CRK: variants seen among roughly 807,000 people sequenced by gnomAD.
CRK encodes the protein CRK proto-oncogene, adaptor protein.
A neutral mutation model predicts 29.8 loss-of-function variants in CRK; 4 were observed. The ratio of observed to expected loss-of-function variants is 0.13; its 90% CI spans 0.07 to 0.31. CRK has a LOEUF of 0.31. CRK is among the 10% of genes least tolerant of loss of function. The pLI, the probability that CRK is intolerant of heterozygous loss-of-function variation, is 1.00. For missense variants in CRK, 274 were observed against 396.5 expected (o/e 0.69, Z 2.62); for synonymous variants, 153 against 164.9 (o/e 0.93, Z 0.55).
At chr17:1,435,927 G>A (rs368974746) in intron 2 of CRK, among the ~76,000 whole-genome samples, 2 of 152,256 alleles carry the variant, frequency 1.3e-5, no homozygotes, top group South Asian at 2.1e-4. Flanking sequence ...AGGTGTGAGC[G>A]TGGAAGAGAG....
At chr17:1,440,298 C>CAA (rs34474050) in intron 1 of CRK, among the ~76,000 whole-genome samples, 36 of 107,118 alleles carry the variant, frequency 3.4e-4, no homozygotes, top group African/African-American at 7.9e-4. Flanking sequence ...GACTCTGTCT[C>CAA]AAAAAAAAAA....
chr17:1,444,604 G>GGA (rs2073960034), intron 1 of CRK, among the ~76,000 whole-genome samples: 2 of 147,768 alleles, frequency 1.4e-5, no homozygotes, highest in East Asian at 4.0e-4. Context: ...GCGGGGGGGG[G>GGA]GATCACCTGA....
rs2073893051 is a variant in CRK, at chr17:1,437,159, G to GA, written c.242-5dup. 3.2e-6 allele frequency: 5 copies of GA among 1,580,152 alleles called. No homozygotes were observed. The highest frequency in any genetic ancestry group is 2.2e-5 in the East Asian group (1 of 44,528). ...CGGAGTCTGGAGGGGCTCACCCCTG[G>GA]AAAAAACAGAGCAGGCTGTTATTTA... is the stretch of plus-strand genomic sequence containing the variant. On this transcript the variant is annotated splice_polypyrimidine_tract_variant and splice_region_variant and intron_variant, in intron 1 of 2. Coordinates refer to ENST00000300574, the MANE Select transcript of CRK (RefSeq NM_016823.4).
chr17:1,433,893 T>C (rs950535125), intron 2 of CRK, among the ~76,000 whole-genome samples: 13 of 149,558 alleles, frequency 8.7e-5, no homozygotes, highest in African/African-American at 3.0e-4. Context: ...AGAGACCGGA[T>C]CTCACCATGT....
At chr17:1,440,688 G>A (rs1388907794) in intron 1 of CRK, among the ~76,000 whole-genome samples, 3 of 152,062 alleles carry the variant, frequency 2.0e-5, no homozygotes, top group Non-Finnish European at 4.4e-5. Context: ...CGAGGCGGGT[G>A]GATCATGAGG....
At chr17:1,449,810 G>A (rs1302136192) in intron 1 of CRK, among the ~76,000 whole-genome samples, 1 of 152,170 alleles carries the variant, frequency 6.6e-6, no homozygotes, top group Non-Finnish European at 1.5e-5. Flanking sequence ...TGGCACCACA[G>A]GAAGCCTATG....
At chr17:1,448,642 AG>A (rs145692393) in intron 1 of CRK, among the ~76,000 whole-genome samples, 3,185 of 39,428 alleles carry the variant, frequency 0.081, 528 homozygotes, top group African/African-American at 0.2. Context: ...AAAAAAAAAA[AG>A]AAAAAGTGGC....
At chr17:1,423,741 G>A in intron 2 of CRK, 91 bp from the exon 3 acceptor site, 2 of 1,517,818 alleles carry the variant, frequency 1.3e-6, no homozygotes, top group Non-Finnish European at 9.0e-7. Context: ...CCCTGCCCAT[G>A]TGACTGCTCT....
intron 1 of CRK, among the ~76,000 whole-genome samples, chr17:1,452,625 T>TA (rs1028596968): frequency 9.9e-5 from 15 of 151,250 alleles, no homozygotes; most frequent in African/African-American, 1.5e-4. Flanking sequence ...CCATCTCTAC[T>TA]AAAAAAATAC....
intron 1 of CRK, among the ~76,000 whole-genome samples, chr17:1,454,911 A>C (rs76708994): frequency 0.051 from 7,731 of 152,282 alleles, 279 homozygotes; most frequent in South Asian, 0.11. Flanking sequence ...TGGCAAGGAA[A>C]ACCCAGCGCA....
intron 2 of CRK, among the ~76,000 whole-genome samples, chr17:1,425,719 C>G (rs2073772656): frequency 6.6e-6 from 1 of 152,222 alleles, no homozygotes; most frequent in African/African-American, 2.4e-5. Flanking sequence ...TCTTCCAGGC[C>G]CAGCCTGACC....
chr17:1,443,389 T>G (rs2073949928), intron 1 of CRK, among the ~76,000 whole-genome samples: 1 of 151,890 alleles, frequency 6.6e-6, no homozygotes. Flanking sequence ...TTTGTATTTT[T>G]TATTTTTACT....
At position 1,436,732 on chromosome 17, in the gene CRK, G is replaced by C; in HGVS notation, c.665C>G (p.Ala222Gly). 1 of 1,604,084 alleles carries C rather than the reference G, an allele frequency of 6.2e-7. No individual in the cohort carries two copies. The highest frequency in any genetic ancestry group is 8.5e-7 in the Non-Finnish European group (1 of 1,175,958). The change falls in exon 2 of 3, where the codon GCC becomes GGC. Residue 222 changes from alanine (A) to glycine (G), a missense_variant. Around this residue, in one of 3 missense-constraint regions of CRK, gnomAD observed 121 missense variants for 154.3 expected, o/e 0.78. Coordinates refer to ENST00000300574, the MANE Select transcript of CRK (RefSeq NM_016823.4). Reference protein sequence around the residue: ...PLGGPEPGPYAQPSVNTPLPN... With the variant: ...PLGGPEPGPYGQPSVNTPLPN... ...GAGCGGAGTGTTGACGCTGGGTTGG[G>C]CATAGGGCCCAGGCTCCGGCCCACC...
chr17:1,438,020 C>G (rs1277457579), intron 1 of CRK, among the ~76,000 whole-genome samples: 1 of 151,892 alleles, frequency 6.6e-6, no homozygotes, highest in East Asian at 1.9e-4. Context: ...TTCATGGGTC[C>G]CTGCTGCTGT....
Position 1,422,155 on chromosome 17 carries a change from CTTTTTTTTTT to C in CRK, c.*1348_*1357del, listed in dbSNP as rs1448014943. On this transcript the variant is annotated 3_prime_UTR_variant, in exon 3 of 3. Coordinates refer to ENST00000300574, the MANE Select transcript of CRK (RefSeq NM_016823.4). Reference sequence around the variant, plus strand: ...CACAATTGGTTCAACATTTTTTTTTCTTTTTTTTTTCCTTTTTTTTTTTTTTGAGACTGAG... The same window carrying C: ...CACAATTGGTTCAACATTTTTTTTTCCCTTTTTTTTTTTTTTGAGACTGAG... 1 of 143,242 alleles carries C rather than the reference CTTTTTTTTTT, an allele frequency of 7.0e-6. No individual in the cohort carries two copies. Among genetic ancestry groups the C allele is most frequent in the Non-Finnish European group, 1.5e-5 (1 of 64,798 alleles). 8.9% of individuals were successfully genotyped at this position (143,242 alleles called of 1,614,324 possible). A position where few individuals can be genotyped will look rare whatever the true frequency, so the allele number is the denominator to read the frequency against.
intron 1 of CRK, among the ~76,000 whole-genome samples, chr17:1,446,734 G>A (rs975129258): frequency 1.3e-5 from 2 of 151,942 alleles, no homozygotes; most frequent in African/African-American, 4.8e-5. Flanking sequence ...TGGGACTACA[G>A]GTGCCCGCCA....
Position 1,450,143 on chromosome 17 carries a change from T to G in CRK, c.241+5734A>C, listed in dbSNP as rs1005363489. 2.0e-5 allele frequency among the ~76,000 whole-genome samples: 3 copies of G among 152,092 alleles called. No homozygotes were observed. In the South Asian group the frequency reaches 6.2e-4, roughly 32 times the overall value. ...ATGGCTTGACCCGGGAGGGGGAGGT[T>G]GCAGTGAGCTGAGATCGTCCCACTG... On this transcript the variant is annotated intron_variant, in intron 1 of 2. Coordinates refer to ENST00000300574, the MANE Select transcript of CRK (RefSeq NM_016823.4).
intron 2 of CRK, among the ~76,000 whole-genome samples, chr17:1,425,197 C>T (rs995415503): frequency 6.6e-6 from 1 of 151,778 alleles, no homozygotes; most frequent in African/African-American, 2.4e-5. Flanking sequence ...TCACGCCATT[C>T]TCCTGCCTCA....
intron 1 of CRK, among the ~76,000 whole-genome samples, chr17:1,447,825 C>T (rs1489077156): frequency 6.6e-6 from 1 of 152,100 alleles, no homozygotes; most frequent in African/African-American, 2.4e-5. Context: ...CCATGTTGGC[C>T]AGGCTGGTCT....
Sources: gnomAD v4.1 joint callset for allele counts (sites outside exome capture counted in the v4.1 genomes callset) on GRCh38, gnomAD v4.1.1 for gene constraint, gnomAD v4.1.1 regional missense constraint, MANE v1.5 for transcripts, NCBI Gene and HGNC (gene_info 2026-07-23, HGNC 2026-07-21) for gene names.